Variants in GRIK4 observed in about 807,000 individuals in gnomAD.
The protein encoded by GRIK4 is glutamate receptor ionotropic, kainate 4.
In GRIK4, 40 loss-of-function variants were observed where a neutral mutation model predicts 104.9. That is an observed-to-expected ratio of 0.38 (90% CI 0.30 to 0.50). The LOEUF (loss-of-function observed/expected upper bound fraction) is 0.50. Ranked by LOEUF, GRIK4 falls within the 20% of genes least tolerant of loss-of-function variation. GRIK4 has a pLI of 0.93. For synonymous variants in GRIK4, 485 were observed against 524.9 expected (o/e 0.92, Z 1.04); for missense variants, 1,047 against 1,308.1 (o/e 0.80, Z 3.08).
In GRIK4 at chr11:120,919,056, T is replaced by C. The variant is rs1158773911; in HGVS notation, c.1476+13563T>C. Among the ~76,000 whole-genome samples, 4 of 152,246 alleles carry C rather than the reference T, an allele frequency of 2.6e-5. No individual in the cohort carries two copies. The East Asian group carries it at 7.7e-4, about 29-fold the overall frequency. Reference sequence around the variant, plus strand: ...TCTGGAATTCAAAGCCAAACCTGTCTGACATCAAAGCCCACGGTCATTCTA... The same window carrying C: ...TCTGGAATTCAAAGCCAAACCTGTCCGACATCAAAGCCCACGGTCATTCTA... On this transcript the variant is annotated intron_variant, in intron 13 of 20. Transcript: ENST00000527524.
chr11:120,816,776 G>A (rs993733812), intron 5 of GRIK4, among the ~76,000 whole-genome samples: 8 of 152,116 alleles, frequency 5.3e-5, no homozygotes, highest in East Asian at 1.9e-4. Context: ...TCCTGGTCGC[G>A]TTGGTCCTGC....
rs998963767 is a variant in GRIK4, at chr11:120,986,041, G to C, written c.2652G>C (p.Thr884=). Residue 884 remains threonine, a synonymous_variant, in exon 21 of 21, where the codon ACG becomes ACC. Coordinates refer to ENST00000527524, the MANE Select transcript of GRIK4 (RefSeq NM_014619.5). ...CCGAGGAGCGCCGACCGCGGGGCAC[G>C]GCGACGCTCAGCAACGGGAAGCTGT... is the stretch of plus-strand genomic sequence containing the variant. ...PIPEERRPRG[T]ATLSNGKLCG... 16 of 1,522,862 alleles carry C rather than the reference G, an allele frequency of 1.1e-5. No homozygotes were observed. The highest frequency in any genetic ancestry group is 8.4e-5 in the Admixed American group (4 of 47,482). 94.3% of individuals were successfully genotyped at this position (1,522,862 alleles called of 1,614,324 possible). A position where few individuals can be genotyped will look rare whatever the true frequency, so the allele number is the denominator to read the frequency against.
chr11:120,748,304 TA>T (rs2135419446), intron 3 of GRIK4, among the ~76,000 whole-genome samples: 1 of 152,242 alleles, frequency 6.6e-6, no homozygotes, highest in East Asian at 1.9e-4. Context: ...CAAGCACTTT[TA>T]ATTTGCTTGG....
intron 1 of GRIK4, among the ~76,000 whole-genome samples, chr11:120,520,382 G>T (rs1947782435): frequency 6.6e-6 from 1 of 152,222 alleles, no homozygotes; most frequent in Non-Finnish European, 1.5e-5. Context: ...TTCGATCCCT[G>T]AGTGAGAGGG....
intron 3 of GRIK4, among the ~76,000 whole-genome samples, chr11:120,753,373 T>G (rs1951595951): frequency 6.9e-6 from 1 of 145,820 alleles, no homozygotes; most frequent in Admixed American, 6.9e-5. Flanking sequence ...CAAAGTGAAT[T>G]AGGGTGGGAA....
chr11:120,804,401 A>T (rs1015745297), intron 4 of GRIK4, among the ~76,000 whole-genome samples: 6 of 152,178 alleles, frequency 3.9e-5, no homozygotes, highest in Admixed American at 2.6e-4. Context: ...GACATCCAGA[A>T]AAGTTAAGAA....
At chr11:120,612,656 T>G (rs1166586696) in intron 1 of GRIK4, among the ~76,000 whole-genome samples, 2 of 152,248 alleles carry the variant, frequency 1.3e-5, no homozygotes, top group Admixed American at 6.5e-5. Context: ...TGAAAGCCAC[T>G]GATGACTTCA....
intron 3 of GRIK4, among the ~76,000 whole-genome samples, chr11:120,713,115 C>T (rs536668689): frequency 2.6e-5 from 4 of 152,286 alleles, no homozygotes; most frequent in Admixed American, 2.0e-4. Context: ...TCATGTCAAG[C>T]GTGTGGTTCT....
chr11:120,519,174 A>G (rs1043320449), intron 1 of GRIK4, among the ~76,000 whole-genome samples: 1 of 152,214 alleles, frequency 6.6e-6, no homozygotes, highest in South Asian at 2.1e-4. Context: ...TGACAATAAT[A>G]ATAGCTAATA....
chr11:120,811,678 A>C (rs531569260), intron 4 of GRIK4, among the ~76,000 whole-genome samples: 162 of 152,300 alleles, frequency 1.1e-3, no homozygotes, highest in African/African-American at 3.8e-3. Flanking sequence ...TCATATAGAT[A>C]TACATATAAT....
chr11:120,596,809 C>T (rs571319911), intron 1 of GRIK4, among the ~76,000 whole-genome samples: 1 of 152,188 alleles, frequency 6.6e-6, no homozygotes, highest in South Asian at 2.1e-4. Flanking sequence ...ACTGCAACCT[C>T]CGCCTCCTGG....
intron 14 of GRIK4, among the ~76,000 whole-genome samples, chr11:120,949,602 G>C (rs941370969): frequency 2.6e-5 from 4 of 152,210 alleles, no homozygotes; most frequent in African/African-American, 9.6e-5. Context: ...ATGTTTAAGA[G>C]TACTCTAAGG....
At chr11:120,912,347 C>T (rs1319706605) in intron 13 of GRIK4, among the ~76,000 whole-genome samples, 1 of 151,802 alleles carries the variant, frequency 6.6e-6, no homozygotes, top group African/African-American at 2.4e-5. Context: ...AGGCTGAAGG[C>T]GTAGACTGTA....
intron 13 of GRIK4, among the ~76,000 whole-genome samples, chr11:120,909,871 G>A (rs1349784684): frequency 6.6e-6 from 1 of 152,178 alleles, no homozygotes; most frequent in Non-Finnish European, 1.5e-5. Flanking sequence ...AAAACAGTGG[G>A]TGCTGTGGTT....
chr11:120,566,828 C>T (rs1397865540), intron 1 of GRIK4, among the ~76,000 whole-genome samples: 8 of 151,732 alleles, frequency 5.3e-5, no homozygotes, highest in African/African-American at 1.9e-4. Flanking sequence ...CCCAGCCTCC[C>T]GAGTAGCTGG....
chr11:120,845,426 C>G (rs1953826629), intron 8 of GRIK4, among the ~76,000 whole-genome samples: 1 of 152,174 alleles, frequency 6.6e-6, no homozygotes, highest in Non-Finnish European at 1.5e-5. Context: ...TCCCTTCCCT[C>G]TCTTTTTTCT....
intron 1 of GRIK4, among the ~76,000 whole-genome samples, chr11:120,558,231 A>C (rs1948206233): frequency 6.6e-6 from 1 of 152,150 alleles, no homozygotes; most frequent in Non-Finnish European, 1.5e-5. Context: ...GATAAAGCAC[A>C]TGAAGTGTCA....
chr11:120,560,108 G>A (rs902692724), intron 1 of GRIK4, among the ~76,000 whole-genome samples: 1 of 151,912 alleles, frequency 6.6e-6, no homozygotes, highest in African/African-American at 2.4e-5. Context: ...GGAGTGCAGT[G>A]TTGCGATCTT....
intron 3 of GRIK4, among the ~76,000 whole-genome samples, chr11:120,740,224 A>G (rs1015418220): frequency 2.6e-5 from 4 of 152,172 alleles, no homozygotes; most frequent in Non-Finnish European, 5.9e-5. Flanking sequence ...TACAATCGAC[A>G]ACTGTTATAC....
Sources: gnomAD v4.1 joint callset for allele counts (sites outside exome capture counted in the v4.1 genomes callset) on GRCh38, gnomAD v4.1.1 for gene constraint, MANE v1.5 for transcripts, NCBI Gene and HGNC (gene_info 2026-07-23, HGNC 2026-07-21) for gene names.